The following CABCOCO1 variants were observed in gnomAD, a reference collection of about 807,000 sequenced individuals.
CABCOCO1 encodes the protein ciliary-associated calcium-binding coiled-coil protein 1.
A neutral mutation model predicts 35.7 loss-of-function variants in CABCOCO1; 28 were observed. That is an observed-to-expected ratio of 0.78 (90% CI 0.58 to 1.07). The LOEUF (loss-of-function observed/expected upper bound fraction) is 1.07, where lower values mean the gene tolerates loss of function less well. CABCOCO1 is among the 50% of genes least tolerant of loss of function. CABCOCO1 has a pLI of 0.00. For missense variants in CABCOCO1, 326 were observed against 309.2 expected (o/e 1.05, Z -0.41); for synonymous variants, 95 against 100.1 (o/e 0.95, Z 0.30).
rs548954932 is a variant in CABCOCO1, at chr10:61,689,342, G to A, written c.480-1207G>A. ...TCACTAATCTTGATGTATTTTTCTA[G>A]CCAACAAATCAAAGTACTGTCAAAA... On this transcript the variant is annotated intron_variant, in intron 4 of 7. Transcript: ENST00000648843. Among the ~76,000 whole-genome samples, 3 of 152,216 alleles carry A rather than the reference G, an allele frequency of 2.0e-5. No homozygotes were observed. In the East Asian group the frequency reaches 5.8e-4, roughly 29 times the overall value.
intron 5 of CABCOCO1, among the ~76,000 whole-genome samples, chr10:61,749,906 T>C (rs866064860): frequency 5.9e-5 from 9 of 151,976 alleles, no homozygotes; most frequent in African/African-American, 1.9e-4. Context: ...ACCTACTATT[T>C]ATAACGTGCT....
rs1021144910 is a variant in CABCOCO1 at position 61,750,590 on chromosome 10, A to G, written c.553-9469A>G. Among the ~76,000 whole-genome samples the G allele has an allele frequency of 3.6e-4, 55 of 152,192 alleles. 3 individuals carry two copies. Among genetic ancestry groups the G allele is most frequent in the Non-Finnish European group, 2.9e-5 (2 of 68,042 alleles). On this transcript the variant is annotated intron_variant, in intron 5 of 7. Coordinates refer to ENST00000648843, the MANE Select transcript of CABCOCO1 (RefSeq NM_001366906.2). ...GACTGTGTCTCCAAAAACTAATAGT[A>G]ACTATCAATGAAGTCAAATCAGTGA...
At chr10:61,727,094 T>TA (rs1841172914) in intron 5 of CABCOCO1, among the ~76,000 whole-genome samples, 1 of 152,006 alleles carries the variant, frequency 6.6e-6, no homozygotes, top group South Asian at 2.1e-4. Flanking sequence ...TAATAAGAGA[T>TA]AAAATGTGAT....
intron 5 of CABCOCO1, among the ~76,000 whole-genome samples, chr10:61,697,860 T>A (rs908638129): frequency 6.6e-6 from 1 of 152,068 alleles, no homozygotes; most frequent in East Asian, 1.9e-4. Context: ...GAACTCTCAA[T>A]CCATAAAATT....
At chr10:61,689,588 A>C (rs1840071356) in intron 4 of CABCOCO1, among the ~76,000 whole-genome samples, 1 of 152,198 alleles carries the variant, frequency 6.6e-6, no homozygotes, top group Admixed American at 6.6e-5. Flanking sequence ...ATCCAGGAGA[A>C]GCCATTATTA....
rs10715326 is a variant in CABCOCO1, at chr10:61,720,292, T to TA, written c.552+29680dup. On this transcript the variant is annotated intron_variant, in intron 5 of 7. Transcript: ENST00000648843. ...AGAGGTAAAAAATAAAAAATAAAAA[T>TA]AAAAAAAAACACTGACTTACAAATT... 6.0e-5 allele frequency among the ~76,000 whole-genome samples: 9 copies of TA among 151,232 alleles called. No individual in the cohort carries two copies. In the South Asian group the frequency reaches 6.2e-4, roughly 10 times the overall value.
At chr10:61,676,151 C>G (rs1295678594) in intron 2 of CABCOCO1, among the ~76,000 whole-genome samples, 1 of 152,100 alleles carries the variant, frequency 6.6e-6, no homozygotes, top group Non-Finnish European at 1.5e-5. Context: ...AAATAAAATA[C>G]TAATTTTGTC....
At chr10:61,686,572 A>G (rs1177689791) in intron 4 of CABCOCO1, among the ~76,000 whole-genome samples, 3 of 152,156 alleles carry the variant, frequency 2.0e-5, no homozygotes, top group South Asian at 4.1e-4. Context: ...TAGGTAGTTG[A>G]TCTTTCCAAC....
intron 2 of CABCOCO1, among the ~76,000 whole-genome samples, chr10:61,677,586 G>A (rs1004482310): frequency 2.7e-5 from 4 of 150,852 alleles, no homozygotes; most frequent in African/African-American, 9.8e-5. Flanking sequence ...GGGTACATGT[G>A]CACAACGTGC....
At chr10:61,723,772 A>G (rs1184809445) in intron 5 of CABCOCO1, among the ~76,000 whole-genome samples, 4 of 152,180 alleles carry the variant, frequency 2.6e-5, no homozygotes, top group African/African-American at 9.7e-5. Context: ...TTTACTCTTG[A>G]TTACTTCCTT....
intron 2 of CABCOCO1, among the ~76,000 whole-genome samples, chr10:61,680,797 CTT>C (rs1457044457): frequency 1.1e-4 from 16 of 139,876 alleles, no homozygotes; most frequent in Admixed American, 3.0e-4. Context: ...ATAAAAGAAA[CTT>C]AATTTTATAA....
chr10:61,713,809 C>T (rs1226220760), intron 5 of CABCOCO1, among the ~76,000 whole-genome samples: 4 of 152,126 alleles, frequency 2.6e-5, no homozygotes, highest in African/African-American at 7.2e-5. Flanking sequence ...TGATGGATTA[C>T]GTTTATTGAT....
At chr10:61,723,397 C>T (rs957715145) in intron 5 of CABCOCO1, among the ~76,000 whole-genome samples, 2 of 152,152 alleles carry the variant, frequency 1.3e-5, no homozygotes, top group Non-Finnish European at 2.9e-5. Context: ...TAGAAGCATT[C>T]CCATTAAAAA....
intron 3 of CABCOCO1, among the ~76,000 whole-genome samples, chr10:61,683,638 A>G (rs1022546235): frequency 3.3e-5 from 5 of 152,122 alleles, no homozygotes; most frequent in African/African-American, 1.2e-4. Context: ...ATCATCCTAC[A>G]TTTTCCAATT....
intron 5 of CABCOCO1, among the ~76,000 whole-genome samples, chr10:61,735,530 G>A (rs1841397403): frequency 6.6e-6 from 1 of 152,104 alleles, no homozygotes; most frequent in Non-Finnish European, 1.5e-5. Flanking sequence ...AGGTCTTGCT[G>A]AAAAAGACGA....
intron 5 of CABCOCO1, among the ~76,000 whole-genome samples, chr10:61,713,997 T>C (rs1290180186): frequency 6.6e-6 from 1 of 152,222 alleles, no homozygotes; most frequent in African/African-American, 2.4e-5. Context: ...TCTGCCAGGC[T>C]TTGGTATCAC....
intron 5 of CABCOCO1, among the ~76,000 whole-genome samples, chr10:61,746,251 C>A (rs903159725): frequency 1.3e-5 from 2 of 152,238 alleles, no homozygotes; most frequent in Middle Eastern, 3.4e-3. Context: ...TTATAGGACA[C>A]AATTTATGCT....
At chr10:61,686,298 C>A in intron 4 of CABCOCO1, 113 bp downstream of exon 4, 1 of 880,162 alleles carries the variant, frequency 1.1e-6, no homozygotes, top group Non-Finnish European at 1.6e-6. Context: ...AGAATTTATG[C>A]CATAATTAGC....
chr10:61,666,771 A>G (rs1319128869), intron 1 of CABCOCO1, among the ~76,000 whole-genome samples: 1 of 151,390 alleles, frequency 6.6e-6, no homozygotes, highest in Admixed American at 6.6e-5. Context: ...AGCTTCATTT[A>G]CTAAATAAAC....
Sources: gnomAD v4.1 joint callset for allele counts (sites outside exome capture counted in the v4.1 genomes callset) on GRCh38, gnomAD v4.1.1 for gene constraint, MANE v1.5 for transcripts, NCBI Gene and HGNC (gene_info 2026-07-23, HGNC 2026-07-21) for gene names.